Variants in ALKBH1 observed in about 807,000 individuals in gnomAD.
ALKBH1 encodes the protein alkB homolog 1, histone H2A dioxygenase.
Under a neutral mutation model 36.6 loss-of-function variants are expected in ALKBH1, and 31 were observed. That is an observed-to-expected ratio of 0.85 (90% CI 0.64 to 1.14). The LOEUF is 1.14. Ranked by LOEUF, ALKBH1 falls within the 50% of genes most tolerant of loss-of-function variation. ALKBH1 has a pLI of 0.00. For missense variants in ALKBH1, 490 were observed against 497.3 expected (o/e 0.99, Z 0.14); for synonymous variants, 183 against 186.6 (o/e 0.98, Z 0.16).
At chr14:77,692,660 C>G (rs918048512) in intron 3 of ALKBH1, among the ~76,000 whole-genome samples, 4 of 151,894 alleles carry the variant, frequency 2.6e-5, no homozygotes, top group African/African-American at 9.7e-5. Flanking sequence ...AAATCCACCT[C>G]TCCTCCTTCA....
In ALKBH1 at chr14:77,675,794, T is replaced by C. The variant is rs894238595; in HGVS notation, c.602A>G (p.Glu201Gly). The C allele has an allele frequency of 2.5e-6, 4 of 1,614,002 alleles. No homozygotes were observed. The highest frequency in any genetic ancestry group is 2.7e-5 in the African/African-American group (2 of 74,904). ...AAATCCACAGGCAGCGGCTACTTGC[T>C]CTGAGAGGAAACCCAGGTCAGAAGG... Reference protein sequence around the residue: ...PFPSDLGFLSEQVAAACGFED... With the variant: ...PFPSDLGFLSGQVAAACGFED... Residue 201 changes from glutamate (E) to glycine (G), a missense_variant, in exon 5 of 6, where the codon GAG (glutamate) becomes GGG (glycine). Physicochemically the swap from Glu to Gly is moderately conservative, Grantham distance 98 (BLOSUM62 -2). Coordinates refer to ENST00000216489, the MANE Select transcript of ALKBH1 (RefSeq NM_006020.3).
Position 77,672,813 on chromosome 14 carries a change from T to C in ALKBH1, c.*999A>G, listed in dbSNP as rs1406479903. 6.6e-6 allele frequency: 1 copy of C among 152,176 alleles called. No individual in the cohort carries two copies. The highest frequency in any genetic ancestry group is 2.4e-5 in the African/African-American group (1 of 41,432). 9.4% of individuals were successfully genotyped at this position (152,176 alleles called of 1,614,324 possible). ...GGGGTATAAAGATTAAAACTTGGTG[T>C]TGCCTACATTTTTCCAAGCTGCCTA... On this transcript the variant is annotated 3_prime_UTR_variant, in exon 6 of 6. Transcript: ENST00000216489.
intron 2 of ALKBH1, 52 bp from the exon 3 acceptor site, chr14:77,694,952 T>A: frequency 7.2e-7 from 1 of 1,384,230 alleles, no homozygotes; most frequent in African/African-American, 1.5e-5. Flanking sequence ...TCTCCATCAG[T>A]TATTCAAATA....
intron 2 of ALKBH1, among the ~76,000 whole-genome samples, chr14:77,702,130 C>T (rs186075306): frequency 6.6e-6 from 1 of 152,244 alleles, no homozygotes; most frequent in Non-Finnish European, 1.5e-5. Context: ...GAAACCCCAT[C>T]TCTACTAAAA....
chr14:77,701,075 A>C (rs2080356957), intron 2 of ALKBH1, among the ~76,000 whole-genome samples: 1 of 152,200 alleles, frequency 6.6e-6, no homozygotes, highest in Non-Finnish European at 1.5e-5. Context: ...ACTGGGTGAC[A>C]GAATGAGACC....
At chr14:77,704,749 T>C (rs769722527) in intron 1 of ALKBH1, among the ~76,000 whole-genome samples, 1 of 152,122 alleles carries the variant, frequency 6.6e-6, no homozygotes, top group Non-Finnish European at 1.5e-5. Flanking sequence ...AAGCAAGGAG[T>C]ATTAACTCTG....
intron 2 of ALKBH1, 29 bp from the exon 3 acceptor site, chr14:77,694,929 AAG>A (rs760159598): frequency 6.9e-7 from 1 of 1,455,870 alleles, no homozygotes; most frequent in African/African-American, 1.4e-5. Context: ...GGAAAAAAAG[AAG>A]AGGGGGAAAT....
intron 3 of ALKBH1, among the ~76,000 whole-genome samples, chr14:77,681,941 T>C (rs1358985613): frequency 2.6e-5 from 4 of 152,236 alleles, no homozygotes; most frequent in Non-Finnish European, 5.9e-5. Context: ...TGGTTTTTCC[T>C]GGACTTTGCT....
At chr14:77,688,871 C>T (rs775332213) in intron 3 of ALKBH1, among the ~76,000 whole-genome samples, 3 of 152,130 alleles carry the variant, frequency 2.0e-5, no homozygotes, top group Non-Finnish European at 2.9e-5. Flanking sequence ...CGCGCCTGGC[C>T]TGAACTAAAT....
At chr14:77,705,171 T>C (rs774130250) in intron 1 of ALKBH1, among the ~76,000 whole-genome samples, 5 of 151,932 alleles carry the variant, frequency 3.3e-5, no homozygotes, top group Admixed American at 1.3e-4. Context: ...TCCCAGCACT[T>C]TGGGAGGCTG....
At position 77,683,279 on chromosome 14, in the gene ALKBH1, T is replaced by C. The variant is rs117466773; in HGVS notation, c.456-3309A>G. On this transcript the variant is annotated intron_variant, in intron 3 of 5. Coordinates refer to ENST00000216489, the MANE Select transcript of ALKBH1 (RefSeq NM_006020.3). ...TTTGTTCTCACAAAGTGTGCTTCTC[T>C]GGGTGGGGCAGGCTGGCACTTCAGT... 6,510 of 775,400 alleles carry C rather than the reference T, an allele frequency of 8.4e-3. 42 individuals are homozygous for C. The highest frequency in any genetic ancestry group is 0.012 in the Non-Finnish European group (5,211 of 425,666). The allele number at this position is 775,400 out of a possible 1,614,324, so 48.0% of individuals were successfully genotyped here. A position where few individuals can be genotyped will look rare whatever the true frequency, so the allele number is the denominator to read the frequency against.
chr14:77,694,748 C>T lies in ALKBH1; in HGVS notation c.445G>A (p.Glu149Lys), dbSNP rs369190213. ...ATTGACAAGACTTACCTCAGGAACT[C>T]TTTGCTCTGTTCCCACAGATCTTGG... is the stretch of plus-strand genomic sequence containing the variant. ...ETQDLWEQSK[E>K]FLRYKEATKR... The change falls in exon 3 of 6, where the codon GAG becomes AAG. Residue 149 changes from glutamate (E) to lysine (K), a missense_variant. By Grantham distance (56) the Glu-to-Lys change is moderately conservative. Coordinates refer to ENST00000216489, the MANE Select transcript of ALKBH1 (RefSeq NM_006020.3). The T allele has an allele frequency of 7.0e-5, 112 of 1,589,972 alleles. No homozygotes were observed. The highest frequency in any genetic ancestry group is 9.2e-5 in the Non-Finnish European group (108 of 1,170,650).
At chr14:77,674,602 G>A (rs2080195062) in intron 5 of ALKBH1, among the ~76,000 whole-genome samples, 1 of 152,146 alleles carries the variant, frequency 6.6e-6, no homozygotes, top group Non-Finnish European at 1.5e-5. Context: ...GGAGTGGCTG[G>A]AGTGCAGCGG....
intron 3 of ALKBH1, among the ~76,000 whole-genome samples, chr14:77,689,017 G>A (rs2080283982): frequency 6.6e-6 from 1 of 152,158 alleles, no homozygotes; most frequent in Non-Finnish European, 1.5e-5. Context: ...CACACTCTTA[G>A]ATGACATGCA....
At position 77,707,873 on chromosome 14, in the gene ALKBH1, G is replaced by C. The variant is rs756784932; in HGVS notation, c.132C>G (p.Ile44Met). 4.3e-6 allele frequency: 7 copies of C among 1,613,110 alleles called. No individual in the cohort carries two copies. Among genetic ancestry groups the C allele is most frequent in the Admixed American group, 3.3e-5 (2 of 59,950 alleles). The change falls in exon 1 of 6, where the codon ATC (isoleucine) becomes ATG (methionine). Residue 44 changes from isoleucine to methionine, a missense_variant. Ile to Met is a conservative substitution (Grantham distance 10). Coordinates refer to ENST00000216489, the MANE Select transcript of ALKBH1 (RefSeq NM_006020.3). Reference sequence around the variant, plus strand: ...GGGCTGCGTGGGCCGCCGAGAAGTCGATGACCCCTTCCAGGTCTGCGGTCC... The same window carrying C: ...GGGCTGCGTGGGCCGCCGAGAAGTCCATGACCCCTTCCAGGTCTGCGGTCC... ...RPGTADLEGV[I>M]DFSAAHAARG... is the part of the protein sequence containing the mutation.
chr14:77,703,987 T>C (rs888333282), intron 2 of ALKBH1, among the ~76,000 whole-genome samples: 9 of 152,222 alleles, frequency 5.9e-5, no homozygotes, highest in African/African-American at 2.2e-4. Flanking sequence ...CATTTGAGAA[T>C]GTGACTAGAG....
intron 3 of ALKBH1, among the ~76,000 whole-genome samples, chr14:77,681,231 T>C (rs774913520): frequency 2.6e-5 from 4 of 152,078 alleles, no homozygotes; most frequent in Admixed American, 2.6e-4. Flanking sequence ...GAACGCAGTA[T>C]AAAGTCTAGT....
chr14:77,677,199 C>T (rs1053759805), intron 4 of ALKBH1, among the ~76,000 whole-genome samples: 1 of 152,116 alleles, frequency 6.6e-6, no homozygotes, highest in Non-Finnish European at 1.5e-5. Context: ...GCCACCATGC[C>T]TGGCTAATTT....
rs753272160 is a variant in ALKBH1 at position 77,675,799 on chromosome 14, G to C, written c.597C>G (p.Leu199=). ...CACAGGCAGCGGCTACTTGCTCTGAGAGGAAACCCAGGTCAGAAGGGAAAG... is the reference window on the plus strand; with the variant it reads ...CACAGGCAGCGGCTACTTGCTCTGACAGGAAACCCAGGTCAGAAGGGAAAG... ...YTPFPSDLGF[L]SEQVAAACGF... is the part of the protein sequence containing the mutation. The change falls in exon 5 of 6, where the codon CTC becomes CTG. Residue 199 remains leucine, a synonymous_variant. Coordinates refer to ENST00000216489, the MANE Select transcript of ALKBH1 (RefSeq NM_006020.3). The C allele has an allele frequency of 1.9e-6, 3 of 1,613,988 alleles. No homozygotes were observed. The South Asian group carries it at 3.3e-5, about 18-fold the overall frequency.
Sources: allele counts gnomAD v4.1 joint callset (sites outside exome capture counted in the v4.1 genomes callset), GRCh38; gene constraint gnomAD v4.1.1; transcripts MANE v1.5; gene names NCBI Gene and HGNC (gene_info 2026-07-23, HGNC 2026-07-21).